Variants in ARID5A observed in about 807,000 individuals in gnomAD.
The protein encoded by ARID5A is AT-rich interactive domain-containing protein 5A.
A neutral mutation model predicts 30.5 loss-of-function variants in ARID5A; 14 were observed. The ratio of observed to expected loss-of-function variants is 0.46; its 90% CI spans 0.30 to 0.72. The LOEUF (loss-of-function observed/expected upper bound fraction) is 0.72, where lower values mean the gene tolerates loss of function less well. Among genes scored for constraint, ARID5A ranks in the 30% least tolerant of loss-of-function variants. The pLI, the probability that ARID5A is intolerant of heterozygous loss-of-function variation, is 0.07. For synonymous variants in ARID5A, 338 were observed against 340.4 expected, an observed-to-expected ratio of 0.99 and a Z score of 0.08; for missense variants, 669 against 786.2, an observed-to-expected ratio of 0.85 and a Z score of 1.78.
Position 96,547,469 on chromosome 2 carries a change from C to T in ARID5A, c.72C>T (p.Pro24=), listed in dbSNP as rs769821459. 6 of 1,614,060 alleles carry T rather than the reference C, an allele frequency of 3.7e-6. No homozygotes were observed. The South Asian group carries it at 5.5e-5, about 15-fold the overall frequency. The change falls in exon 2 of 7, where the codon CCC becomes CCT. Residue 24 remains proline (P), a synonymous_variant. Transcript: ENST00000357485. ...EGDALDPPAS[P]KPAGKQNGIQ... Reference sequence around the variant, plus strand: ...ACGCCCTAGACCCACCTGCATCCCCCAAACCTGCTGGCAAGCAGAACGGAA... The same window carrying T: ...ACGCCCTAGACCCACCTGCATCCCCTAAACCTGCTGGCAAGCAGAACGGAA...
At chr2:96,541,113 C>T (rs1238693178) in intron 1 of ARID5A, among the ~76,000 whole-genome samples, 1 of 151,628 alleles carries the variant, frequency 6.6e-6, no homozygotes, top group African/African-American at 2.4e-5. Flanking sequence ...GCTCAGCTCA[C>T]TGCAACCTCC....
chr2:96,543,517 G>GT (rs1476495501), intron 1 of ARID5A, among the ~76,000 whole-genome samples: 1 of 151,976 alleles, frequency 6.6e-6, no homozygotes, highest in Non-Finnish European at 1.5e-5. Context: ...TATTATATCT[G>GT]TTATGGTGAT....
At chr2:96,546,756 C>T (rs1036974277) in intron 1 of ARID5A, among the ~76,000 whole-genome samples, 1 of 152,238 alleles carries the variant, frequency 6.6e-6, no homozygotes, top group Non-Finnish European at 1.5e-5. Context: ...GCAGTTAGAA[C>T]TCTGCAGATG....
At position 96,550,806 on chromosome 2, in the gene ARID5A, C is replaced by A; in HGVS notation, c.570+73C>A. On this transcript the variant is annotated intron_variant, in intron 6 of 6. Coordinates refer to ENST00000357485, the MANE Select transcript of ARID5A (RefSeq NM_212481.3). The surrounding 1 kb of genome is among the most constrained non-coding windows in gnomAD (Gnocchi z 6.6). ...CCCCCTACCCCACAACTCCCTGTGG[C>A]CGCGGAGCTGTCTGCTCAGAATACA... 1 of 1,468,588 alleles carries A rather than the reference C, an allele frequency of 6.8e-7. No individual in the cohort carries two copies. 91.0% of individuals were successfully genotyped at this position (1,468,588 alleles called of 1,614,324 possible).
Position 96,552,477 on chromosome 2 carries a change from G to A in ARID5A, c.*164G>A. 1 of 1,538,734 alleles carries A rather than the reference G, an allele frequency of 6.5e-7. No homozygotes were observed. The highest frequency in any genetic ancestry group is 8.7e-7 in the Non-Finnish European group (1 of 1,147,022). On this transcript the variant is annotated 3_prime_UTR_variant, in exon 7 of 7. Coordinates refer to ENST00000357485, the MANE Select transcript of ARID5A (RefSeq NM_212481.3). ...TGAAGAAGAAGGCAGTGGGAAAACTGGGTTTATCTCAAGGCAGCAGCCTGA... is the reference window on the plus strand; with the variant it reads ...TGAAGAAGAAGGCAGTGGGAAAACTAGGTTTATCTCAAGGCAGCAGCCTGA...
intron 1 of ARID5A, 65 bp downstream of exon 1, chr2:96,536,895 C>T (rs996459832): frequency 1.0e-4 from 123 of 1,223,560 alleles, no homozygotes; most frequent in Admixed American, 3.0e-4. Flanking sequence ...TTCAAGGTGC[C>T]GGCGCCGGGT....
In ARID5A at chr2:96,536,832, T is replaced by TAAGC. The variant is rs2065740813; in HGVS notation, c.4+3_4+6dup. 8.3e-7 allele frequency: 1 copy of TAAGC among 1,210,258 alleles called. No individual in the cohort carries two copies. The highest frequency in any genetic ancestry group is 4.4e-5 in the Admixed American group (1 of 22,840). 75.0% of individuals were successfully genotyped at this position (1,210,258 alleles called of 1,614,324 possible). A position where few individuals can be genotyped will look rare whatever the true frequency, so the allele number is the denominator to read the frequency against. On this transcript the variant is annotated splice_region_variant and intron_variant, in intron 1 of 6. Coordinates refer to ENST00000357485, the MANE Select transcript of ARID5A (RefSeq NM_212481.3). Reference sequence around the variant, plus strand: ...CCGCGGGACCTCTCCGGGCCATGGGTAAGCGGCTCTGCGGCGCGGCCCGGA... The same window carrying TAAGC: ...CCGCGGGACCTCTCCGGGCCATGGGTAAGCAAGCGGCTCTGCGGCGCGGCCCGGA...
chr2:96,546,544 A>G (rs2065932523), intron 1 of ARID5A, among the ~76,000 whole-genome samples: 1 of 152,224 alleles, frequency 6.6e-6, no homozygotes, highest in African/African-American at 2.4e-5. Context: ...TGTGTGGGGT[A>G]TGGGAAGCCT....
At chr2:96,545,045 C>A (rs1573190708) in intron 1 of ARID5A, among the ~76,000 whole-genome samples, 1 of 152,090 alleles carries the variant, frequency 6.6e-6, no homozygotes, top group East Asian at 1.9e-4. Context: ...TGAATTGCTG[C>A]AATCTCATGA....
intron 1 of ARID5A, among the ~76,000 whole-genome samples, chr2:96,545,848 G>C (rs1430024004): frequency 6.6e-6 from 1 of 151,998 alleles, no homozygotes; most frequent in African/African-American, 2.4e-5. Flanking sequence ...CAGCTACTCG[G>C]GAGGCTGAGG....
chr2:96,542,729 G>A (rs991386524), intron 1 of ARID5A, among the ~76,000 whole-genome samples: 7 of 152,274 alleles, frequency 4.6e-5, no homozygotes, highest in African/African-American at 1.7e-4. Context: ...CTTGCCAAGG[G>A]TCACATAGCA....
chr2:96,538,397 C>A, intron 1 of ARID5A: 1 of 931,100 alleles, frequency 1.1e-6, no homozygotes, highest in Non-Finnish European at 1.3e-6. Context: ...CCTTCCCTTT[C>A]TGTACCCTCT....
chr2:96,541,389 G>A (rs2065843615), intron 1 of ARID5A, among the ~76,000 whole-genome samples: 1 of 152,174 alleles, frequency 6.6e-6, no homozygotes, highest in African/African-American at 2.4e-5. Flanking sequence ...GTAATATTGG[G>A]CAACTTGCCC....
At chr2:96,543,461 C>T (rs1019575715) in intron 1 of ARID5A, among the ~76,000 whole-genome samples, 3 of 152,022 alleles carry the variant, frequency 2.0e-5, no homozygotes, top group Admixed American at 6.6e-5. Context: ...CTTTGTGTCT[C>T]GGTGTCACAT....
In ARID5A at chr2:96,551,402, G is replaced by A. The variant is rs781413902; in HGVS notation, c.874G>A (p.Val292Ile). The A allele has an allele frequency of 1.9e-6, 3 of 1,607,874 alleles. No individual in the cohort carries two copies. The highest frequency in any genetic ancestry group is 1.1e-5 in the South Asian group (1 of 90,570). ...GGCAGAGCCCCAGGCGTCCCCAGCT[G>A]TTCACCTCCCAGAGAGTCCCCAGAG... ...HGAEPQASPA[V>I]HLPESPQSPK... The change falls in exon 7 of 7, where the codon GTT (valine) becomes ATT (isoleucine). Residue 292 changes from valine to isoleucine, a missense_variant. Coordinates refer to ENST00000357485, the MANE Select transcript of ARID5A (RefSeq NM_212481.3).
intron 1 of ARID5A, among the ~76,000 whole-genome samples, chr2:96,538,802 C>A (rs1293048844): frequency 1.3e-5 from 2 of 152,216 alleles, no homozygotes; most frequent in Non-Finnish European, 2.9e-5. Flanking sequence ...GTAATTGACG[C>A]AGTGTTCCCA....
chr2:96,552,043 G>T lies in ARID5A; in HGVS notation c.1515G>T (p.Leu505=). The change falls in exon 7 of 7, where the codon CTG becomes CTT. Residue 505 remains leucine, a synonymous_variant. Coordinates refer to ENST00000357485, the MANE Select transcript of ARID5A (RefSeq NM_212481.3). ...CAGAGGCCTACAGGGGCACCATGCTGCACTGCCCGCTGAACTTCACTGGCA... is the reference window on the plus strand; with the variant it reads ...CAGAGGCCTACAGGGGCACCATGCTTCACTGCCCGCTGAACTTCACTGGCA... ...VPPEAYRGTM[L]HCPLNFTGTP... The T allele has an allele frequency of 6.4e-7, 1 of 1,565,146 alleles. No individual in the cohort carries two copies. The highest frequency in any genetic ancestry group is 1.2e-5 in the South Asian group (1 of 82,680).
Position 96,537,999 on chromosome 2 carries a change from A to T in ARID5A, c.4+1169A>T. On this transcript the variant is annotated intron_variant, in intron 1 of 6. Coordinates refer to ENST00000357485, the MANE Select transcript of ARID5A (RefSeq NM_212481.3). This position sits in a 1 kb window ranked among gnomAD's most constrained non-coding sequence, Gnocchi z 4.8. Reference sequence around the variant, plus strand: ...CGGTGGCGTCACTGCGCCTACAGGCAACGCTAGAGCACAGGAGGGGTGGGA... The same window carrying T: ...CGGTGGCGTCACTGCGCCTACAGGCTACGCTAGAGCACAGGAGGGGTGGGA... 3 of 985,518 alleles carry T rather than the reference A, an allele frequency of 3.0e-6. No homozygotes were observed. Among genetic ancestry groups the T allele is most frequent in the Non-Finnish European group, 3.6e-6 (3 of 829,984 alleles). The allele number at this position is 985,518 out of a possible 1,614,324, so 61.0% of individuals were successfully genotyped here.
At position 96,549,429 on chromosome 2, in the gene ARID5A, G is replaced by A. The variant is rs753830076; in HGVS notation, c.229G>A (p.Glu77Lys). 4.3e-6 allele frequency: 7 copies of A among 1,613,694 alleles called. No individual in the cohort carries two copies. Among genetic ancestry groups the A allele is most frequent in the South Asian group, 1.1e-5 (1 of 91,076 alleles). ...KFMKERHTPI[E>K]RVPHLGFKQI... is the part of the protein sequence containing the mutation. Reference sequence around the variant, plus strand: ...CATGAAGGAGCGACACACGCCCATCGAGAGGGTGCCCCATCTCGGCTTCAA... The same window carrying A: ...CATGAAGGAGCGACACACGCCCATCAAGAGGGTGCCCCATCTCGGCTTCAA... Residue 77 changes from glutamate (E) to lysine (K), a missense_variant, in exon 3 of 7, where the codon GAG becomes AAG. Around this residue, in one of 4 missense-constraint regions of ARID5A, gnomAD observed 64 missense variants for 119.7 expected, o/e 0.53. Coordinates refer to ENST00000357485, the MANE Select transcript of ARID5A (RefSeq NM_212481.3). This position sits in a 1 kb window ranked among gnomAD's most constrained non-coding sequence, Gnocchi z 6.1.
Sources: allele counts gnomAD v4.1 joint callset (sites outside exome capture counted in the v4.1 genomes callset), GRCh38; gene constraint gnomAD v4.1.1; regional missense constraint gnomAD v4.1.1; non-coding constraint Gnocchi (gnomAD v3.1); transcripts MANE v1.5; gene names NCBI Gene and HGNC (gene_info 2026-07-23, HGNC 2026-07-21).